HECW2: variants seen among roughly 807,000 people sequenced by gnomAD.
HECW2 encodes the protein HECT, C2 and WW domain containing E3 ubiquitin protein ligase 2.
Under a neutral mutation model 175.2 loss-of-function variants are expected in HECW2, and 61 were observed. That is an observed-to-expected ratio of 0.35 (90% CI 0.28 to 0.43). The LOEUF is 0.43. Among genes scored for constraint, HECW2 ranks in the 20% least tolerant of loss-of-function variants. HECW2 has a pLI of 1.00. For missense variants in HECW2, 1,524 were observed against 2,000.5 expected (o/e 0.76, Z 4.54); for synonymous variants, 671 against 731.0 (o/e 0.92, Z 1.32).
intron 1 of HECW2, among the ~76,000 whole-genome samples, chr2:196,563,632 G>A (rs1050114728): frequency 6.6e-6 from 1 of 152,074 alleles, no homozygotes; most frequent in African/African-American, 2.4e-5. Context: ...AAGACTACAG[G>A]AGTCAAGTAA....
intron 3 of HECW2, among the ~76,000 whole-genome samples, chr2:196,338,357 G>C (rs188472043): frequency 6.6e-6 from 1 of 152,302 alleles, no homozygotes. Context: ...GTTGCCTTCA[G>C]GGTGGGAAAA....
chr2:196,213,241 T>C (rs1687354254), intron 28 of HECW2, among the ~76,000 whole-genome samples: 1 of 152,240 alleles, frequency 6.6e-6, no homozygotes, highest in South Asian at 2.1e-4. Flanking sequence ...GTGGAGCCAA[T>C]GTTAATAGTT....
intron 23 of HECW2, among the ~76,000 whole-genome samples, chr2:196,222,891 A>C (rs749802082): frequency 2.6e-5 from 4 of 151,916 alleles, no homozygotes; most frequent in Non-Finnish European, 4.4e-5. Context: ...CTTATTCTGA[A>C]AATAGTAAGC....
Position 196,476,373 on chromosome 2 carries a change from G to C in HECW2, c.-35-42915C>G, listed in dbSNP as rs572081059. On this transcript the variant is annotated intron_variant, in intron 1 of 28. Coordinates refer to ENST00000644978, the MANE Select transcript of HECW2 (RefSeq NM_001348768.2). Reference sequence around the variant, plus strand: ...CACTAGAATCACTTGAACCCAGGAGGCAAAGGTTGCAATAAACCGGGATTG... The same window carrying C: ...CACTAGAATCACTTGAACCCAGGAGCCAAAGGTTGCAATAAACCGGGATTG... 4.0e-5 allele frequency among the ~76,000 whole-genome samples: 6 copies of C among 151,366 alleles called. No homozygotes were observed. In the South Asian group the frequency reaches 1.2e-3, roughly 32 times the overall value.
chr2:196,523,199 T>C (rs1688481964), intron 1 of HECW2, among the ~76,000 whole-genome samples: 1 of 152,200 alleles, frequency 6.6e-6, no homozygotes. Flanking sequence ...ACATCCCTTG[T>C]AAGTTGGATT....
chr2:196,274,912 G>C (rs1298716048), intron 15 of HECW2, among the ~76,000 whole-genome samples: 1 of 152,138 alleles, frequency 6.6e-6, no homozygotes, highest in Non-Finnish European at 1.5e-5. Context: ...AATCTTTTGA[G>C]ACAATAGCAG....
At chr2:196,216,506 C>T (rs1687479625) in intron 27 of HECW2, among the ~76,000 whole-genome samples, 1 of 149,184 alleles carries the variant, frequency 6.7e-6, no homozygotes, top group South Asian at 2.1e-4. Context: ...AGTAATTGTC[C>T]TGGATGACCA....
chr2:196,348,154 C>T (rs1693029408), intron 2 of HECW2, among the ~76,000 whole-genome samples: 1 of 152,204 alleles, frequency 6.6e-6, no homozygotes, highest in Admixed American at 6.5e-5. Context: ...GTTTACGTTG[C>T]AGTCAATTTT....
intron 2 of HECW2, among the ~76,000 whole-genome samples, chr2:196,413,837 C>G (rs1695181361): frequency 6.6e-6 from 1 of 152,170 alleles, no homozygotes; most frequent in Non-Finnish European, 1.5e-5. Flanking sequence ...GTTACACTGC[C>G]CACCCACACC....
At chr2:196,206,262 G>T (rs951148017) in intron 28 of HECW2, among the ~76,000 whole-genome samples, 1 of 152,186 alleles carries the variant, frequency 6.6e-6, no homozygotes, top group African/African-American at 2.4e-5. Flanking sequence ...AGGAAAGCAG[G>T]TCTGAACCCA....
intron 1 of HECW2, among the ~76,000 whole-genome samples, chr2:196,457,714 G>C (rs1157627971): frequency 6.6e-6 from 1 of 152,080 alleles, no homozygotes; most frequent in Non-Finnish European, 1.5e-5. Flanking sequence ...ATACCTCTTA[G>C]CTCTACAAAT....
At chr2:196,407,300 A>G (rs1373020240) in intron 2 of HECW2, among the ~76,000 whole-genome samples, 2 of 151,670 alleles carry the variant, frequency 1.3e-5, no homozygotes, top group African/African-American at 4.9e-5. Flanking sequence ...CAGCCTCCCA[A>G]GTAGCTGGGA....
chr2:196,339,403 A>T (rs1692664324), intron 3 of HECW2, among the ~76,000 whole-genome samples: 1 of 152,252 alleles, frequency 6.6e-6, no homozygotes, highest in Non-Finnish European at 1.5e-5. Flanking sequence ...TAAGTATGTG[A>T]AATCGCTATG....
chr2:196,580,310 A>T (rs963263575), intron 1 of HECW2, among the ~76,000 whole-genome samples: 1 of 152,212 alleles, frequency 6.6e-6, no homozygotes, highest in East Asian at 1.9e-4. Context: ...AAGCACAAGG[A>T]ACCATTTTTA....
At chr2:196,518,849 C>T (rs1688245335) in intron 1 of HECW2, among the ~76,000 whole-genome samples, 1 of 152,014 alleles carries the variant, frequency 6.6e-6, no homozygotes, top group Non-Finnish European at 1.5e-5. Flanking sequence ...CCTTCTCTGC[C>T]TCCTCACCAG....
chr2:196,513,257 T>C (rs1688019896), intron 1 of HECW2, among the ~76,000 whole-genome samples: 1 of 152,184 alleles, frequency 6.6e-6, no homozygotes, highest in Non-Finnish European at 1.5e-5. Flanking sequence ...ATATAAAAAG[T>C]ATTCACACTT....
intron 1 of HECW2, among the ~76,000 whole-genome samples, chr2:196,535,380 C>T (rs1688987509): frequency 6.6e-6 from 1 of 152,194 alleles, no homozygotes; most frequent in Non-Finnish European, 1.5e-5. Context: ...ATTCCAAATA[C>T]ATCAATGTTA....
At chr2:196,428,473 G>A (rs570067945) in intron 2 of HECW2, among the ~76,000 whole-genome samples, 1 of 152,116 alleles carries the variant, frequency 6.6e-6, no homozygotes, top group African/African-American at 2.4e-5. Flanking sequence ...TTCTAGCATG[G>A]TGTTTCCTCT....
chr2:196,583,910 T>A (rs1298098829), intron 1 of HECW2, among the ~76,000 whole-genome samples: 4 of 152,170 alleles, frequency 2.6e-5, no homozygotes, highest in African/African-American at 7.2e-5. Flanking sequence ...GTGTACCACC[T>A]AAAACAGCAG....
Sources: allele counts gnomAD v4.1 joint callset (sites outside exome capture counted in the v4.1 genomes callset), GRCh38; gene constraint gnomAD v4.1.1; transcripts MANE v1.5; gene names NCBI Gene and HGNC (gene_info 2026-07-23, HGNC 2026-07-21).